Variants in DAW1 observed in about 807,000 individuals in gnomAD.
The protein encoded by DAW1 is dynein assembly factor with WD repeats 1.
In DAW1, 47 loss-of-function variants were observed where a neutral mutation model predicts 56.5. The ratio of observed to expected loss-of-function variants is 0.83; its 90% CI spans 0.66 to 1.06. DAW1 has a LOEUF of 1.06. Ranked by LOEUF, DAW1 falls within the 50% of genes least tolerant of loss-of-function variation. The probability of loss-of-function intolerance (pLI) is 0.00; values close to 1 mark genes in which losing one functional copy is unlikely to be tolerated. For synonymous variants in DAW1, 190 were observed against 179.0 expected, an observed-to-expected ratio of 1.06 and a Z score of -0.49; for missense variants, 505 against 499.3, an observed-to-expected ratio of 1.01 and a Z score of -0.11.
intron 1 of DAW1, among the ~76,000 whole-genome samples, chr2:227,874,991 A>ACAAACAAAC (rs554748004): frequency 0.11 from 14,647 of 128,920 alleles, 830 homozygotes; most frequent in Admixed American, 0.16. Context: ...AACAAACAGA[A>ACAAACAAAC]AAACAAAAAA....
intron 10 of DAW1, chr2:227,912,433 C>G: frequency 3.1e-6 from 4 of 1,304,816 alleles, no homozygotes; most frequent in Non-Finnish European, 4.0e-6. Context: ...GGACGTGATG[C>G]TAAACTATGC....
chr2:227,915,860 A>G (rs1161324663), intron 10 of DAW1, among the ~76,000 whole-genome samples: 1 of 152,062 alleles, frequency 6.6e-6, no homozygotes. Flanking sequence ...ATGTTATACT[A>G]TTGTCTATAT....
chr2:227,910,404 C>A (rs1231103142), intron 10 of DAW1, among the ~76,000 whole-genome samples: 1 of 151,792 alleles, frequency 6.6e-6, no homozygotes, highest in Non-Finnish European at 1.5e-5. Context: ...AGGAGGAGTT[C>A]AAGGTTACAG....
intron 1 of DAW1, among the ~76,000 whole-genome samples, chr2:227,884,460 A>G (rs1160706677): frequency 1.3e-5 from 2 of 152,150 alleles, no homozygotes; most frequent in East Asian, 3.9e-4. Flanking sequence ...AAATCTGCTT[A>G]GATTTGTCAT....
At chr2:227,907,422 C>T (rs1431310492) in intron 10 of DAW1, among the ~76,000 whole-genome samples, 170 bp downstream of exon 10, 1 of 152,170 alleles carries the variant, frequency 6.6e-6, no homozygotes, top group African/African-American at 2.4e-5. Context: ...ATATCATATA[C>T]CTGATAACCA....
chr2:227,912,102 A>G (rs991553634), intron 10 of DAW1, among the ~76,000 whole-genome samples: 6 of 152,214 alleles, frequency 3.9e-5, no homozygotes, highest in Non-Finnish European at 8.8e-5. Context: ...CTTCTATGCC[A>G]TACCATACCA....
chr2:227,921,656 A>G (rs1402547543), intron 12 of DAW1, 95 bp downstream of exon 12: 1 of 1,342,520 alleles, frequency 7.4e-7, no homozygotes, highest in African/African-American at 1.5e-5. Flanking sequence ...CCCATTCCCT[A>G]CCTCTTTTCT....
intron 12 of DAW1, among the ~76,000 whole-genome samples, chr2:227,921,997 T>G (rs1262683943): frequency 6.6e-6 from 1 of 152,056 alleles, no homozygotes; most frequent in Admixed American, 6.6e-5. Context: ...ACAAAAAAAA[T>G]AGAGCATTAG....
chr2:227,900,647 G>A (rs1691518814), intron 6 of DAW1, among the ~76,000 whole-genome samples: 1 of 152,214 alleles, frequency 6.6e-6, no homozygotes, highest in Admixed American at 6.5e-5. Context: ...GGAAAATGCT[G>A]AGAAGAGGCA....
At chr2:227,892,951 T>C (rs1383611504) in intron 4 of DAW1, among the ~76,000 whole-genome samples, 1 of 152,134 alleles carries the variant, frequency 6.6e-6, no homozygotes, top group Admixed American at 6.5e-5. Context: ...ATAGCTATGT[T>C]AAAGGAACCA....
At chr2:227,908,311 A>G (rs1202553728) in intron 10 of DAW1, among the ~76,000 whole-genome samples, 1 of 152,222 alleles carries the variant, frequency 6.6e-6, no homozygotes, top group Non-Finnish European at 1.5e-5. Flanking sequence ...CTTGATAATC[A>G]TATATGATGC....
intron 10 of DAW1, among the ~76,000 whole-genome samples, chr2:227,917,142 A>ATCTATCTATCTATCTG (rs1162712241): frequency 7.9e-4 from 109 of 138,536 alleles, no homozygotes; most frequent in South Asian, 4.1e-3. Flanking sequence ...CTATCTATCT[A>ATCTATCTATCTATCTG]TCTGTCTGTC....
intron 4 of DAW1, among the ~76,000 whole-genome samples, chr2:227,891,623 G>C (rs1424473197): frequency 6.6e-6 from 1 of 152,146 alleles, no homozygotes; most frequent in African/African-American, 2.4e-5. Flanking sequence ...AGTCTATTCA[G>C]AGCAGGCACT....
chr2:227,913,597 A>G (rs900572821), intron 10 of DAW1, among the ~76,000 whole-genome samples: 3 of 152,120 alleles, frequency 2.0e-5, no homozygotes, highest in Non-Finnish European at 2.9e-5. Context: ...ATGCTATCCT[A>G]TGTGCCATTT....
chr2:227,922,173 G>A (rs762442063), intron 12 of DAW1, among the ~76,000 whole-genome samples: 2 of 152,144 alleles, frequency 1.3e-5, no homozygotes, highest in Non-Finnish European at 2.9e-5. Context: ...TTGAGTTTAT[G>A]TCAGTAAGTG....
At chr2:227,900,144 G>T (rs1207715306) in intron 6 of DAW1, among the ~76,000 whole-genome samples, 2 of 152,190 alleles carry the variant, frequency 1.3e-5, no homozygotes, top group Non-Finnish European at 2.9e-5. Flanking sequence ...TAGCTTAGTT[G>T]TGCCTCATAG....
At chr2:227,884,239 T>A (rs536754936) in intron 1 of DAW1, among the ~76,000 whole-genome samples, 1 of 152,240 alleles carries the variant, frequency 6.6e-6, no homozygotes, top group Non-Finnish European at 1.5e-5. Context: ...CATTTTTTCA[T>A]TTGTTTCAAG....
At chr2:227,918,475 ATTCCTCTTT>A (rs1394834355) in intron 10 of DAW1, among the ~76,000 whole-genome samples, 3 of 151,928 alleles carry the variant, frequency 2.0e-5, no homozygotes, top group African/African-American at 4.8e-5. Flanking sequence ...ACTTGCTCTA[ATTCCTCTTT>A]TTCTCTTAAA....
At chr2:227,909,270 A>ATCTATCTGTCTG (rs1553603365) in intron 10 of DAW1, among the ~76,000 whole-genome samples, 1,774 of 144,416 alleles carry the variant, frequency 0.012, 13 homozygotes, top group South Asian at 0.022. Context: ...CTATCTATCT[A>ATCTATCTGTCTG]TCTGTCTGTC....
Sources: gnomAD v4.1 joint callset for allele counts (sites outside exome capture counted in the v4.1 genomes callset) on GRCh38, gnomAD v4.1.1 for gene constraint, MANE v1.5 for transcripts, NCBI Gene and HGNC (gene_info 2026-07-23, HGNC 2026-07-21) for gene names.